Variants in BRWD3 observed in about 807,000 individuals in gnomAD.
BRWD3 encodes the protein bromodomain and WD repeat domain containing 3.
Under a neutral mutation model 149.7 loss-of-function variants are expected in BRWD3, and 10 were observed. The observed-to-expected ratio is 0.07, with a 90% CI of 0.04 to 0.11. The LOEUF is 0.11. Ranked by LOEUF, BRWD3 falls within the 10% of genes least tolerant of loss-of-function variation. BRWD3 has a pLI of 1.00. For synonymous variants in BRWD3, 504 were observed against 456.7 expected (o/e 1.10, Z -1.32); for missense variants, 940 against 1,373.2 (o/e 0.68, Z 4.99).
chrX:80,749,905 G>A (rs2073643329), intron 6 of BRWD3, among the ~76,000 whole-genome samples: 1 of 111,064 alleles, frequency 9.0e-6, no homozygotes, highest in Admixed American at 9.7e-5. Context: ...CATCAACCAA[G>A]GGAACAGGAT....
At chrX:80,759,552 G>A (rs2147810963) in intron 6 of BRWD3, among the ~76,000 whole-genome samples, 1 of 111,713 alleles carries the variant, frequency 9.0e-6, no homozygotes, top group Non-Finnish European at 1.9e-5. Context: ...GAAAATTAAA[G>A]CAAAATATTA....
At chrX:80,795,154 C>T (rs1293176034) in intron 4 of BRWD3, among the ~76,000 whole-genome samples, 2 of 111,017 alleles carry the variant, frequency 1.8e-5, no homozygotes, top group Non-Finnish European at 3.8e-5. Flanking sequence ...AATCGTGTTG[C>T]ATTTTTAATC....
At position 80,798,981 on chromosome X, in the gene BRWD3, C is replaced by G. The variant is rs761111725; in HGVS notation, c.181-5209G>C. Reference sequence around the variant, plus strand: ...AGGAATCTGGGTTTCTCTGCCCACTCCTCTTTCTACTACTGTCCTCTTAAG... The same window carrying G: ...AGGAATCTGGGTTTCTCTGCCCACTGCTCTTTCTACTACTGTCCTCTTAAG... On this transcript the variant is annotated intron_variant, in intron 4 of 40. Transcript: ENST00000373275. Among the ~76,000 whole-genome samples, 400 of 111,902 alleles carry G rather than the reference C, an allele frequency of 3.6e-3. 3 individuals carry two copies. Among genetic ancestry groups the G allele is most frequent in the Non-Finnish European group, 6.7e-3 (359 of 53,186 alleles).
intron 27 of BRWD3, 51 bp downstream of exon 27, chrX:80,695,857 T>G (rs1409230472): frequency 9.8e-7 from 1 of 1,016,351 alleles, no homozygotes; most frequent in Non-Finnish European, 1.4e-6. Context: ...GTTAAAAAGT[T>G]ACTTACTGTA....
At chrX:80,806,493 G>C (rs2074349166) in intron 4 of BRWD3, among the ~76,000 whole-genome samples, 1 of 111,729 alleles carries the variant, frequency 9.0e-6, no homozygotes, top group Non-Finnish European at 1.9e-5. Flanking sequence ...ATCTTCTGGA[G>C]AGCAAACAAT....
chrX:80,702,929 G>A (rs377350255), intron 24 of BRWD3, among the ~76,000 whole-genome samples: 1 of 111,397 alleles, frequency 9.0e-6, no homozygotes, highest in Non-Finnish European at 1.9e-5. Flanking sequence ...CCAATGTTAC[G>A]ATAATTTTCA....
intron 17 of BRWD3, among the ~76,000 whole-genome samples, chrX:80,722,004 C>T (rs957460763): frequency 9.0e-6 from 1 of 111,326 alleles, no homozygotes; most frequent in African/African-American, 3.3e-5. Flanking sequence ...GCACCAACAC[C>T]CCCAGCTAAT....
intron 4 of BRWD3, among the ~76,000 whole-genome samples, chrX:80,807,202 T>G (rs1304548503): frequency 8.9e-6 from 1 of 111,871 alleles, no homozygotes; most frequent in East Asian, 2.8e-4. Context: ...TGGCAGTACA[T>G]GAAGTTTTTC....
rs146560442 is a variant in BRWD3, at chrX:80,740,624, C to T, written c.813+3408G>A. Among the ~76,000 whole-genome samples the T allele has an allele frequency of 2.6e-3, 293 of 111,649 alleles. 1 individual carries two copies. The highest frequency in any genetic ancestry group is 3.7e-3 in the Non-Finnish European group (196 of 53,147). On this transcript the variant is annotated intron_variant, in intron 8 of 40. Transcript: ENST00000373275. ...TATAGCCGGATGTGGTGGCGCATGC[C>T]GGTAGTACCAGCTACTCAGGAGGTG...
intron 8 of BRWD3, among the ~76,000 whole-genome samples, chrX:80,739,694 A>G (rs2147783254): frequency 8.9e-6 from 1 of 112,116 alleles, no homozygotes; most frequent in East Asian, 2.8e-4. Context: ...GAAACCTTGA[A>G]TAGTACCAAG....
chrX:80,715,787 G>T (rs2073067094), intron 20 of BRWD3, among the ~76,000 whole-genome samples: 1 of 112,148 alleles, frequency 8.9e-6, no homozygotes, highest in South Asian at 3.7e-4. Flanking sequence ...TAGCAGAACT[G>T]ATTTGGCCCA....
intron 30 of BRWD3, 55 bp from the exon 31 acceptor site, chrX:80,691,228 G>A: frequency 1.8e-6 from 2 of 1,132,771 alleles, no homozygotes; most frequent in Admixed American, 2.3e-5. Context: ...AACATCTCAT[G>A]GTAACAAACA....
At chrX:80,694,785 G>A (rs2072659822) in intron 27 of BRWD3, among the ~76,000 whole-genome samples, 1 of 111,489 alleles carries the variant, frequency 9.0e-6, no homozygotes, top group Non-Finnish European at 1.9e-5. Flanking sequence ...TATCTAGCAA[G>A]TAACGAATCT....
chrX:80,796,488 C>G (rs962557473), intron 4 of BRWD3, among the ~76,000 whole-genome samples: 3 of 111,771 alleles, frequency 2.7e-5, no homozygotes, highest in Non-Finnish European at 3.8e-5. Context: ...TATCAGGATG[C>G]CTTTTTTGTT....
At chrX:80,692,205 T>C (rs1319937362) in intron 28 of BRWD3, 55 bp from the exon 29 acceptor site, 4 of 1,047,768 alleles carry the variant, frequency 3.8e-6, no homozygotes, top group Admixed American at 4.5e-5. Flanking sequence ...CTTCCTTTCA[T>C]ATACTACCAC....
At chrX:80,720,279 A>G (rs1413673179) in intron 17 of BRWD3, among the ~76,000 whole-genome samples, 1 of 111,594 alleles carries the variant, frequency 9.0e-6, no homozygotes, top group African/African-American at 3.3e-5. Context: ...TGTTAACCTA[A>G]GAGATAACAG....
At chrX:80,707,112 T>C (rs1338984944) in intron 22 of BRWD3, among the ~76,000 whole-genome samples, 1 of 112,524 alleles carries the variant, frequency 8.9e-6, no homozygotes, top group Non-Finnish European at 1.9e-5. Flanking sequence ...TTCAGCTTCA[T>C]TATTGGACCA....
At chrX:80,681,594 T>A (rs1297734835) in intron 39 of BRWD3, 95 bp from the exon 40 acceptor site, 4 of 653,972 alleles carry the variant, frequency 6.1e-6, no homozygotes, top group Non-Finnish European at 2.4e-6. Context: ...TGTTATTTTA[T>A]TCTAACACCA....
chrX:80,714,268 C>T (rs1310763767), intron 20 of BRWD3, among the ~76,000 whole-genome samples: 3 of 86,541 alleles, frequency 3.5e-5, no homozygotes, highest in African/African-American at 4.6e-5. Context: ...ACTCTAGTTG[C>T]GCAGGCTAGA....
Sources: allele counts gnomAD v4.1 joint callset (sites outside exome capture counted in the v4.1 genomes callset), GRCh38; gene constraint gnomAD v4.1.1; transcripts MANE v1.5; gene names NCBI Gene and HGNC (gene_info 2026-07-23, HGNC 2026-07-21).